Variants in CABIN1 observed in about 807,000 individuals in gnomAD.
CABIN1 encodes the protein calcineurin binding protein 1.
In CABIN1, 133 loss-of-function variants were observed where a neutral mutation model predicts 227.7. That is an observed-to-expected ratio of 0.58 (90% confidence interval 0.51 to 0.67). CABIN1 has a LOEUF of 0.67. Ranked by LOEUF, CABIN1 falls within the 30% of genes least tolerant of loss-of-function variation. The pLI is 0.00. For synonymous variants in CABIN1, 1,086 were observed against 1,155.1 expected (o/e 0.94, Z 1.21); for missense variants, 2,408 against 2,852.5 (o/e 0.84, Z 3.55).
At position 24,096,020 on chromosome 22, in the gene CABIN1, G is replaced by A. The variant is rs754525226; in HGVS notation, c.3876G>A (p.Lys1292=). 4 of 1,614,052 alleles carry A rather than the reference G, an allele frequency of 2.5e-6. No individual in the cohort carries two copies. The highest frequency in any genetic ancestry group is 3.4e-6 in the Non-Finnish European group (4 of 1,180,036). Residue 1292 remains lysine (K), a synonymous_variant, in exon 25 of 37, where the codon AAG becomes AAA. Coordinates refer to ENST00000263119, the MANE Select transcript of CABIN1 (RefSeq NM_012295.4). ...VGAEVLVNFM[K]EAAEGPFARG... ...CAGAGGTCCTGGTCAACTTTATGAA[G>A]GAGGCTGCAGAAGGACCCTTTGCCA...
At chr22:24,052,784 C>T (rs1166107572) in intron 8 of CABIN1, among the ~76,000 whole-genome samples, 1 of 148,994 alleles carries the variant, frequency 6.7e-6, no homozygotes, top group Admixed American at 6.6e-5. Flanking sequence ...AGCAAGACCC[C>T]CATCTCAAAA....
chr22:24,064,365 C>A (rs1015491700), intron 15 of CABIN1, among the ~76,000 whole-genome samples, 178 bp downstream of exon 15: 4 of 152,186 alleles, frequency 2.6e-5, no homozygotes, highest in Non-Finnish European at 2.9e-5. Flanking sequence ...GCCGCCATGC[C>A]TGGCTAATTT....
intron 29 of CABIN1, among the ~76,000 whole-genome samples, chr22:24,141,539 C>A (rs2044757344): frequency 6.6e-6 from 1 of 152,264 alleles, no homozygotes; most frequent in African/African-American, 2.4e-5. Flanking sequence ...CGCTTCCACA[C>A]CTTGCCAGGT....
chr22:24,116,188 C>CAA (rs60549017), intron 27 of CABIN1, among the ~76,000 whole-genome samples: 2 of 146,364 alleles, frequency 1.4e-5, no homozygotes, highest in Non-Finnish European at 3.0e-5. Context: ...GGCAGAGCTT[C>CAA]AAAAAAAAAA....
intron 29 of CABIN1, among the ~76,000 whole-genome samples, chr22:24,134,643 G>C (rs1356306553): frequency 1.3e-5 from 2 of 152,174 alleles, no homozygotes; most frequent in Non-Finnish European, 2.9e-5. Flanking sequence ...GAGATGCATG[G>C]ATGAGCTTGG....
intron 3 of CABIN1, among the ~76,000 whole-genome samples, chr22:24,036,735 C>T (rs376078239): frequency 6.6e-6 from 1 of 152,170 alleles, no homozygotes; most frequent in Non-Finnish European, 1.5e-5. Context: ...AGAGTTTGCT[C>T]CTGCCTTTGT....
intron 32 of CABIN1, among the ~76,000 whole-genome samples, chr22:24,167,599 T>C (rs968916005): frequency 6.6e-6 from 1 of 152,240 alleles, no homozygotes; most frequent in African/African-American, 2.4e-5. Context: ...TTAGGGCATT[T>C]CCTTCAAGAC....
chr22:24,151,820 C>T (rs1177429394), intron 29 of CABIN1, among the ~76,000 whole-genome samples: 1 of 152,206 alleles, frequency 6.6e-6, no homozygotes, highest in Non-Finnish European at 1.5e-5. Context: ...CATGCACTGC[C>T]TACCCACCTC....
At chr22:24,119,872 A>G (rs1172181484) in intron 28 of CABIN1, among the ~76,000 whole-genome samples, 174 bp downstream of exon 28, 1 of 152,224 alleles carries the variant, frequency 6.6e-6, no homozygotes, top group Non-Finnish European at 1.5e-5. Flanking sequence ...CCAGCTTGCC[A>G]GGGAACCTGG....
chr22:24,076,934 C>G (rs1362589022), intron 19 of CABIN1, among the ~76,000 whole-genome samples: 1 of 152,126 alleles, frequency 6.6e-6, no homozygotes, highest in African/African-American at 2.4e-5. Flanking sequence ...GACCTCAGAC[C>G]CAGCCTATAA....
chr22:24,038,236 A>G, intron 3 of CABIN1, 112 bp from the exon 4 acceptor site: 4 of 797,286 alleles, frequency 5.0e-6, no homozygotes, highest in Middle Eastern at 2.3e-4. Flanking sequence ...AGTTCCAGCT[A>G]TCTAATCACA....
chr22:24,083,422 G>A (rs772412184), intron 20 of CABIN1, 33 bp downstream of exon 20: 13 of 1,612,448 alleles, frequency 8.1e-6, no homozygotes, highest in Non-Finnish European at 1.0e-5. Context: ...AACAAAGAGG[G>A]AAGCAGGAGC....
chr22:24,121,275 GT>G (rs912109310), intron 28 of CABIN1, among the ~76,000 whole-genome samples: 27 of 152,172 alleles, frequency 1.8e-4, no homozygotes, highest in South Asian at 1.2e-3. Flanking sequence ...ACAGAATTCT[GT>G]TTGGGGGACT....
chr22:24,059,498 T>C, intron 11 of CABIN1, 135 bp downstream of exon 11: 1 of 1,083,248 alleles, frequency 9.2e-7, no homozygotes, highest in Non-Finnish European at 1.4e-6. Flanking sequence ...TGGATTAGTC[T>C]TGGACCTAAG....
At position 24,050,875 on chromosome 22, in the gene CABIN1, T is replaced by C; in HGVS notation, c.707T>C (p.Ile236Thr). The C allele has an allele frequency of 1.2e-6, 2 of 1,614,202 alleles. No individual in the cohort carries two copies. The highest frequency in any genetic ancestry group is 1.7e-6 in the Non-Finnish European group (2 of 1,180,040). Reference protein sequence around the residue: ...VSVSAAETQAIVDEALGLRKK... With the variant: ...VSVSAAETQATVDEALGLRKK... The stretch of plus-strand genomic sequence containing the variant: ...GTGAGTGCAGCTGAGACACAGGCGA[T>C]TGTAGATGAGGCCTTGGGGCTGCGA... Residue 236 changes from isoleucine (I) to threonine (T), a missense_variant, in exon 8 of 37, where the codon ATT becomes ACT. This residue lies in a region of CABIN1 where 1,045 missense variants were observed against 1,168.4 expected (regional missense o/e 0.89). Transcript: ENST00000263119.
chr22:24,169,188 A>G (rs1270862688), intron 33 of CABIN1, among the ~76,000 whole-genome samples: 2 of 152,130 alleles, frequency 1.3e-5, no homozygotes, highest in Non-Finnish European at 2.9e-5. Flanking sequence ...AGGATGTGGC[A>G]GGGAGGGGCA....
In CABIN1 at chr22:24,087,335, C is replaced by T. The variant is rs2041234149; in HGVS notation, c.3264-117C>T. On this transcript the variant is annotated intron_variant, in intron 22 of 36. Transcript: ENST00000263119. ...GTGAGTGGCAGAGTTGGGCTCTGAGCCCTGGTGTGGGAAGGGAGTTTCCAT... is the reference window on the plus strand; with the variant it reads ...GTGAGTGGCAGAGTTGGGCTCTGAGTCCTGGTGTGGGAAGGGAGTTTCCAT... 7.4e-6 allele frequency: 10 copies of T among 1,342,620 alleles called. No homozygotes were observed. The East Asian group carries it at 2.2e-4, about 29-fold the overall frequency. 83.2% of individuals were successfully genotyped at this position (1,342,620 alleles called of 1,614,324 possible).
Position 24,096,050 on chromosome 22 carries a change from C to T in CABIN1, c.3906C>T (p.Gly1302=), listed in dbSNP as rs373956278. 3.4e-5 allele frequency: 55 copies of T among 1,614,068 alleles called. No homozygotes were observed. Among genetic ancestry groups the T allele is most frequent in the Middle Eastern group, 1.7e-4 (1 of 6,060 alleles). ...CTGCAGAAGGACCCTTTGCCAGGGG[C>T]GAGGAGAAGAACACACCCAAAGCTT... The part of the protein sequence containing the change: ...KEAAEGPFAR[G]EEKNTPKASE... The change falls in exon 25 of 37, where the codon GGC becomes GGT. Residue 1302 remains glycine, a synonymous_variant. Coordinates refer to ENST00000263119, the MANE Select transcript of CABIN1 (RefSeq NM_012295.4).
intron 12 of CABIN1, among the ~76,000 whole-genome samples, chr22:24,061,128 G>A (rs1482442934): frequency 1.3e-5 from 2 of 152,144 alleles, no homozygotes; most frequent in African/African-American, 2.4e-5. Context: ...GCTAAATAGC[G>A]TGCTTAGAGA....
Sources: gnomAD v4.1 joint callset for allele counts (sites outside exome capture counted in the v4.1 genomes callset) on GRCh38, gnomAD v4.1.1 for gene constraint, gnomAD v4.1.1 regional missense constraint, MANE v1.5 for transcripts, NCBI Gene and HGNC (gene_info 2026-07-23, HGNC 2026-07-21) for gene names.